The following MICU1 variants were observed in gnomAD, a reference collection of about 807,000 sequenced individuals.
MICU1 encodes mitochondrial calcium uptake 1.
Under a neutral mutation model 56.8 loss-of-function variants are expected in MICU1, and 45 were observed. That is an observed-to-expected ratio of 0.79 (90% CI 0.62 to 1.02). The LOEUF is 1.02. Ranked by LOEUF, MICU1 falls within the 50% of genes least tolerant of loss-of-function variation. MICU1 has a pLI of 0.00. For synonymous variants in MICU1, 186 were observed against 195.1 expected, an observed-to-expected ratio of 0.95 and a Z score of 0.39; for missense variants, 504 against 587.1, an observed-to-expected ratio of 0.86 and a Z score of 1.46.
At chr10:72,547,633 T>C (rs1182559404) in intron 4 of MICU1, among the ~76,000 whole-genome samples, 2 of 152,082 alleles carry the variant, frequency 1.3e-5, no homozygotes, top group Admixed American at 1.3e-4. Context: ...GTTAATACTT[T>C]GGTATATTCA....
In MICU1 at chr10:72,388,635, T is replaced by G. The variant is rs1395088932; in HGVS notation, c.1181-12763A>C. 3.9e-5 allele frequency among the ~76,000 whole-genome samples: 6 copies of G among 152,270 alleles called. No homozygotes were observed. The South Asian group carries it at 1.0e-3, about 26-fold the overall frequency. On this transcript the variant is annotated intron_variant, in intron 10 of 11. Transcript: ENST00000361114. The stretch of plus-strand genomic sequence containing the variant: ...GAAGGGCACTATCTCTAAAACATCA[T>G]AGTTTATCAAAAGGACTTCATTCTC...
rs71021511 is a variant in MICU1, at chr10:72,586,013, C to CTTTTTTTTTTTTTTTTTTTTTTT, written c.-1-19220_-1-19219insAAAAAAAAAAAAAAAAAAAAAAA. Among the ~76,000 whole-genome samples, 23 of 74,674 alleles carry CTTTTTTTTTTTTTTTTTTTTTTT rather than the reference C, an allele frequency of 3.1e-4. 1 individual carries two copies. The highest frequency in any genetic ancestry group is 5.9e-4 in the Admixed American group (3 of 5,074). The allele number at this position is 74,674 out of a possible 152,430, so 49.0% of individuals were successfully genotyped here. On this transcript the variant is annotated intron_variant, in intron 1 of 11. Coordinates refer to ENST00000361114, the MANE Select transcript of MICU1 (RefSeq NM_001195518.2). Reference sequence around the variant, plus strand: ...GTTTTTATTTTTTCTTTTTTTTTTTCTTTTTTTTTTTTTTTTTTTGAGACA... The same window carrying CTTTTTTTTTTTTTTTTTTTTTTT: ...GTTTTTATTTTTTCTTTTTTTTTTTCTTTTTTTTTTTTTTTTTTTTTTTTTTTTTTTTTTTTTTTTTTGAGACA...
intron 1 of MICU1, among the ~76,000 whole-genome samples, chr10:72,592,160 C>A (rs955035219): frequency 6.6e-6 from 1 of 151,558 alleles, no homozygotes; most frequent in Non-Finnish European, 1.5e-5. Flanking sequence ...CAGGCACCTG[C>A]CATCATGCCT....
chr10:72,421,791 T>G (rs1022847639), intron 9 of MICU1, among the ~76,000 whole-genome samples: 1 of 152,218 alleles, frequency 6.6e-6, no homozygotes, highest in Non-Finnish European at 1.5e-5. Context: ...AGTTGTCTCT[T>G]TAAACGTACA....
At chr10:72,479,747 A>C (rs1866233367) in intron 6 of MICU1, among the ~76,000 whole-genome samples, 2 of 152,030 alleles carry the variant, frequency 1.3e-5, no homozygotes, top group South Asian at 4.1e-4. Context: ...GCTGGTCTTA[A>C]ACCTCCTGGC....
intron 9 of MICU1, among the ~76,000 whole-genome samples, chr10:72,416,987 T>C (rs1864002183): frequency 6.6e-6 from 1 of 152,228 alleles, no homozygotes; most frequent in African/African-American, 2.4e-5. Context: ...GTAGGAATGC[T>C]AAGTTCTATG....
intron 9 of MICU1, among the ~76,000 whole-genome samples, chr10:72,409,277 G>C (rs1863729736): frequency 6.6e-6 from 1 of 152,156 alleles, no homozygotes; most frequent in South Asian, 2.1e-4. Flanking sequence ...CCAAACTACA[G>C]AGCCCAGGAA....
At chr10:72,575,924 T>A (rs1488555386) in intron 1 of MICU1, among the ~76,000 whole-genome samples, 1 of 152,080 alleles carries the variant, frequency 6.6e-6, no homozygotes, top group African/African-American at 2.4e-5. Context: ...AATCAAAAGC[T>A]AGAAGTGGGC....
chr10:72,605,824 T>A (rs577055714), intron 1 of MICU1, among the ~76,000 whole-genome samples: 1 of 152,148 alleles, frequency 6.6e-6, no homozygotes, highest in East Asian at 1.9e-4. Flanking sequence ...AACTACTGTA[T>A]AATTTAAGTA....
chr10:72,431,138 A>ATCTG (rs1864517433), intron 8 of MICU1, among the ~76,000 whole-genome samples: 1 of 148,720 alleles, frequency 6.7e-6, no homozygotes, highest in Admixed American at 6.9e-5. Context: ...CTATCTATCT[A>ATCTG]TCTATTTTCT....
chr10:72,518,684 T>A (rs1239459902), intron 5 of MICU1, among the ~76,000 whole-genome samples: 1 of 152,164 alleles, frequency 6.6e-6, no homozygotes, highest in Non-Finnish European at 1.5e-5. Context: ...GAACTGGATA[T>A]TCTTTTTTTT....
chr10:72,421,072 C>T (rs905608185), intron 9 of MICU1, among the ~76,000 whole-genome samples: 3 of 149,474 alleles, frequency 2.0e-5, no homozygotes, highest in Admixed American at 1.3e-4. Flanking sequence ...AGAAAAGACA[C>T]GTCTTACATT....
intron 11 of MICU1, among the ~76,000 whole-genome samples, chr10:72,374,726 A>G (rs1298363387): frequency 2.0e-5 from 3 of 151,830 alleles, no homozygotes; most frequent in Admixed American, 6.6e-5. Flanking sequence ...CTGTGGGGTA[A>G]GAGAGGGTGG....
intron 10 of MICU1, among the ~76,000 whole-genome samples, chr10:72,378,769 G>C (rs1463954292): frequency 6.6e-6 from 1 of 152,192 alleles, no homozygotes; most frequent in East Asian, 1.9e-4. Flanking sequence ...CGTGCTGTGT[G>C]ACCCGGATGG....
chr10:72,449,933 G>A (rs1865242359), intron 8 of MICU1, among the ~76,000 whole-genome samples: 1 of 152,110 alleles, frequency 6.6e-6, no homozygotes, highest in African/African-American at 2.4e-5. Context: ...ACAGAGAGCT[G>A]GAGAGGGAGT....
intron 9 of MICU1, among the ~76,000 whole-genome samples, chr10:72,408,550 T>A (rs1863705448): frequency 6.6e-6 from 1 of 152,144 alleles, no homozygotes; most frequent in Non-Finnish European, 1.5e-5. Context: ...CTCAAGTGAT[T>A]CACCTGCCTC....
intron 8 of MICU1, among the ~76,000 whole-genome samples, chr10:72,469,117 A>T (rs900807754): frequency 6.6e-6 from 1 of 152,216 alleles, no homozygotes. Context: ...AAAATAAAGA[A>T]GGCATGTAAT....
At chr10:72,381,612 C>T (rs546776216) in intron 10 of MICU1, among the ~76,000 whole-genome samples, 36 of 152,194 alleles carry the variant, frequency 2.4e-4, no homozygotes, top group East Asian at 1.9e-4. Flanking sequence ...GCCCTATGCC[C>T]GCTGACCCCC....
chr10:72,619,323 T>C (rs1325271245), intron 1 of MICU1, among the ~76,000 whole-genome samples: 1 of 152,118 alleles, frequency 6.6e-6, no homozygotes, highest in Non-Finnish European at 1.5e-5. Flanking sequence ...CAGGCACCTG[T>C]AGTCCCAGCT....
Sources: gnomAD v4.1 joint callset for allele counts (sites outside exome capture counted in the v4.1 genomes callset) on GRCh38, gnomAD v4.1.1 for gene constraint, MANE v1.5 for transcripts, NCBI Gene and HGNC (gene_info 2026-07-23, HGNC 2026-07-21) for gene names.